The following DCLK2 variants were observed in gnomAD, a reference collection of about 807,000 sequenced individuals.
DCLK2 encodes doublecortin like kinase 2.
DCLK2 carries 31 observed loss-of-function variants against 78.4 expected under a neutral mutation model. That is an observed-to-expected ratio of 0.40 (90% CI 0.30 to 0.53). DCLK2 has a LOEUF of 0.53. DCLK2 is among the 20% of genes least tolerant of loss of function. The pLI is 0.61. For synonymous variants in DCLK2, 407 were observed against 374.9 expected, an observed-to-expected ratio of 1.09 and a Z score of -0.99; for missense variants, 872 against 973.7, an observed-to-expected ratio of 0.90 and a Z score of 1.39.
intron 8 of DCLK2, among the ~76,000 whole-genome samples, chr4:150,228,899 G>A (rs1047817451): frequency 3.3e-5 from 5 of 151,900 alleles, no homozygotes; most frequent in East Asian, 1.9e-4. Flanking sequence ...GGTGGCGGGC[G>A]CCTGTAGTCC....
chr4:150,221,937 G>C, intron 7 of DCLK2, 152 bp downstream of exon 7: 2 of 456,884 alleles, frequency 4.4e-6, no homozygotes, highest in Non-Finnish European at 3.9e-6. Flanking sequence ...GTCTGCCCTT[G>C]GGACCAGCCA....
At position 150,171,891 on chromosome 4, in the gene DCLK2, C is replaced by T. The variant is rs576992733; in HGVS notation, c.757-21247C>T. Among the ~76,000 whole-genome samples the T allele has an allele frequency of 1.8e-3, 271 of 152,326 alleles. 2 individuals carry two copies. The highest frequency in any genetic ancestry group is 6.2e-3 in the African/African-American group (257 of 41,570). ...TTTTCTAAGGAAGCTTTTTCAGGGTCCTCCCAGCCACTCTCTCATCTGACT... is the reference window on the plus strand; with the variant it reads ...TTTTCTAAGGAAGCTTTTTCAGGGTTCTCCCAGCCACTCTCTCATCTGACT... On this transcript the variant is annotated intron_variant, in intron 2 of 15. Coordinates refer to ENST00000296550, the MANE Select transcript of DCLK2 (RefSeq NM_001040260.4).
intron 2 of DCLK2, among the ~76,000 whole-genome samples, chr4:150,170,339 C>T (rs112463360): frequency 7.9e-5 from 12 of 152,088 alleles, no homozygotes; most frequent in African/African-American, 1.7e-4. Context: ...CCACCATGCC[C>T]GGCCAGTTTT....
chr4:150,087,815 A>G (rs1370751930), intron 1 of DCLK2, among the ~76,000 whole-genome samples: 2 of 152,160 alleles, frequency 1.3e-5, no homozygotes, highest in Non-Finnish European at 2.9e-5. Context: ...TCATTTCTTT[A>G]TAGCCAGTTT....
chr4:150,240,753 A>C (rs1302277154), intron 12 of DCLK2, among the ~76,000 whole-genome samples: 1 of 105,860 alleles, frequency 9.4e-6, no homozygotes, highest in Non-Finnish European at 2.0e-5. Context: ...ATATAATAAA[A>C]AAAAAAAAAG....
At chr4:150,149,237 T>G (rs1236670746) in intron 2 of DCLK2, among the ~76,000 whole-genome samples, 1 of 152,152 alleles carries the variant, frequency 6.6e-6, no homozygotes, top group African/African-American at 2.4e-5. Flanking sequence ...CAGTTTATTT[T>G]AGTAATTATG....
intron 2 of DCLK2, among the ~76,000 whole-genome samples, chr4:150,124,224 C>G (rs1305574957): frequency 6.6e-6 from 1 of 152,080 alleles, no homozygotes; most frequent in Non-Finnish European, 1.5e-5. Context: ...GTTTAATTCT[C>G]TGAGCCTGAG....
chr4:150,085,823 A>G (rs907862068), intron 1 of DCLK2, among the ~76,000 whole-genome samples: 15 of 152,128 alleles, frequency 9.9e-5, no homozygotes, highest in South Asian at 4.1e-4. Context: ...TGAGAAATTG[A>G]TTTCTGTTTA....
At chr4:150,125,117 A>T (rs1445534446) in intron 2 of DCLK2, among the ~76,000 whole-genome samples, 1 of 152,176 alleles carries the variant, frequency 6.6e-6, no homozygotes, top group South Asian at 2.1e-4. Context: ...CGTTCTCAAG[A>T]TCATCTTGTG....
chr4:150,253,276 T>C (rs377447282), intron 15 of DCLK2: 32 of 583,962 alleles, frequency 5.5e-5, no homozygotes, highest in Non-Finnish European at 8.4e-5. Flanking sequence ...CAAATGATAG[T>C]GGAAATAGTG....
chr4:150,193,182 T>C lies in DCLK2; in HGVS notation c.801T>C (p.Ile267=). 1 of 1,611,484 alleles carries C rather than the reference T, an allele frequency of 6.2e-7. No individual in the cohort carries two copies. Among genetic ancestry groups the C allele is most frequent in the Non-Finnish European group, 8.5e-7 (1 of 1,178,324 alleles). Residue 267 remains isoleucine (I), a synonymous_variant, in exon 3 of 16, where the codon ATT becomes ATC. Transcript: ENST00000296550. ...TTTTTGGTGATGACGATGTTTTTATTGCATGTGGACCAGAAAAATTTCGTT... is the reference window on the plus strand; with the variant it reads ...TTTTTGGTGATGACGATGTTTTTATCGCATGTGGACCAGAAAAATTTCGTT... The part of the protein sequence containing the change: ...QDFFGDDDVF[I]ACGPEKFRYA...
intron 2 of DCLK2, among the ~76,000 whole-genome samples, chr4:150,121,225 G>GAAGTTTACCTCTACCTTTCACGGAAGAT: frequency 6.6e-6 from 1 of 152,202 alleles, no homozygotes; most frequent in Non-Finnish European, 1.5e-5. Flanking sequence ...ACACAAGAAT[G>GAAGTTTACCTCTACCTTTCACGGAAGAT]TGTGATATGC....
Position 150,192,489 on chromosome 4 carries a change from A to C in DCLK2, c.757-649A>C, listed in dbSNP as rs563560123. ...GCAAGATTGCGTCTCAAAAAAAAAA[A>C]AAAAAACAAGTGAAATTGAGACCAC... On this transcript the variant is annotated intron_variant, in intron 2 of 15. Coordinates refer to ENST00000296550, the MANE Select transcript of DCLK2 (RefSeq NM_001040260.4). 5.3e-5 allele frequency among the ~76,000 whole-genome samples: 8 copies of C among 151,670 alleles called. No homozygotes were observed. The East Asian group carries it at 9.7e-4, about 18-fold the overall frequency.
chr4:150,143,811 G>A (rs566982596), intron 2 of DCLK2, among the ~76,000 whole-genome samples: 38 of 152,148 alleles, frequency 2.5e-4, no homozygotes, highest in East Asian at 7.7e-4. Flanking sequence ...GTTATATTGA[G>A]CATTTTTCAT....
At chr4:150,155,407 A>G (rs1404270236) in intron 2 of DCLK2, among the ~76,000 whole-genome samples, 2 of 152,200 alleles carry the variant, frequency 1.3e-5, no homozygotes, top group African/African-American at 4.8e-5. Context: ...GTTCATATGA[A>G]CTATAGAGTT....
chr4:150,167,736 A>G (rs906978058), intron 2 of DCLK2, among the ~76,000 whole-genome samples: 15 of 152,204 alleles, frequency 9.9e-5, no homozygotes, highest in Non-Finnish European at 1.6e-4. Context: ...ACAGTCTCCC[A>G]ACAGATAGAA....
chr4:150,175,299 A>G (rs1047825805), intron 2 of DCLK2: 5 of 148,486 alleles, frequency 3.4e-5, no homozygotes, highest in Non-Finnish European at 7.4e-5. Flanking sequence ...GGAGATTTCA[A>G]CCAAGGACGG....
intron 2 of DCLK2, among the ~76,000 whole-genome samples, chr4:150,135,142 AACACCTGCCTCTCAT>A (rs1733600667): frequency 1.4e-5 from 2 of 146,058 alleles, no homozygotes; most frequent in South Asian, 4.4e-4. Flanking sequence ...GTGGAAAAAA[AACACCTGCCTCTCAT>A]ACACGTGTAC....
At chr4:150,127,476 A>G (rs1733000599) in intron 2 of DCLK2, among the ~76,000 whole-genome samples, 1 of 152,218 alleles carries the variant, frequency 6.6e-6, no homozygotes, top group South Asian at 2.1e-4. Context: ...ATTCCTTACT[A>G]TCATTTTACT....
Sources: gnomAD v4.1 joint callset for allele counts (sites outside exome capture counted in the v4.1 genomes callset) on GRCh38, gnomAD v4.1.1 for gene constraint, MANE v1.5 for transcripts, NCBI Gene and HGNC (gene_info 2026-07-23, HGNC 2026-07-21) for gene names.